VAV3: variants seen among roughly 807,000 people sequenced by gnomAD.
The protein encoded by VAV3 is guanine nucleotide exchange factor VAV3.
VAV3 carries 94 observed loss-of-function variants against 131.2 expected under a neutral mutation model. The ratio of observed to expected loss-of-function variants is 0.72; its 90% CI spans 0.61 to 0.85. The LOEUF is 0.85. Among genes scored for constraint, VAV3 ranks in the 40% least tolerant of loss-of-function variants. The probability of loss-of-function intolerance (pLI) is 0.00; values close to 1 mark genes in which losing one functional copy is unlikely to be tolerated. For missense variants in VAV3, 939 were observed against 1,002.7 expected, an observed-to-expected ratio of 0.94 and a Z score of 0.86; for synonymous variants, 349 against 342.0, an observed-to-expected ratio of 1.02 and a Z score of -0.22.
chr1:107,822,323 A>C (rs1667825671), intron 2 of VAV3, among the ~76,000 whole-genome samples: 1 of 152,122 alleles, frequency 6.6e-6, no homozygotes, highest in Admixed American at 6.6e-5. Context: ...AGTGGGAAGT[A>C]AGGAACTGGA....
rs891926535 is a variant in VAV3, at chr1:107,572,338, T to C, written c.*993A>G. 1 of 152,234 alleles carries C rather than the reference T, an allele frequency of 6.6e-6. No individual in the cohort carries two copies. The highest frequency in any genetic ancestry group is 2.4e-5 in the African/African-American group (1 of 41,446). 9.4% of individuals were successfully genotyped at this position (152,234 alleles called of 1,614,324 possible). On this transcript the variant is annotated 3_prime_UTR_variant, in exon 27 of 27. Coordinates refer to ENST00000370056, the MANE Select transcript of VAV3 (RefSeq NM_006113.5). ...CCAAAATCCTCAACAAAGTTGTTTG[T>C]GCTCCAAGAAAATGTGGGAATAAAA... is the stretch of plus-strand genomic sequence containing the variant.
At chr1:107,865,138 G>A (rs1245958146) in intron 2 of VAV3, among the ~76,000 whole-genome samples, 1 of 152,180 alleles carries the variant, frequency 6.6e-6, no homozygotes. Context: ...GCACACAGGT[G>A]GCTGGGGGCA....
chr1:107,774,946 C>G (rs913287367), intron 4 of VAV3, among the ~76,000 whole-genome samples: 5 of 150,886 alleles, frequency 3.3e-5, no homozygotes, highest in African/African-American at 1.2e-4. Flanking sequence ...CCCTACTTCA[C>G]CTTTTATCCC....
chr1:107,728,123 A>G (rs547572897), intron 15 of VAV3, among the ~76,000 whole-genome samples: 2 of 152,220 alleles, frequency 1.3e-5, no homozygotes, highest in African/African-American at 4.8e-5. Flanking sequence ...AACAGGTCCT[A>G]TTGCTAATAT....
chr1:107,598,503 A>C (rs1651574707), intron 24 of VAV3, among the ~76,000 whole-genome samples: 1 of 152,190 alleles, frequency 6.6e-6, no homozygotes, highest in Non-Finnish European at 1.5e-5. Flanking sequence ...TATTATATCT[A>C]TAACTTGAAA....
At chr1:107,811,937 A>G (rs1667334941) in intron 2 of VAV3, among the ~76,000 whole-genome samples, 1 of 152,210 alleles carries the variant, frequency 6.6e-6, no homozygotes, top group Non-Finnish European at 1.5e-5. Context: ...TCAAGTTGCA[A>G]CAGGCAGCCA....
At chr1:107,943,691 G>A (rs369361092) in intron 1 of VAV3, among the ~76,000 whole-genome samples, 3 of 152,342 alleles carry the variant, frequency 2.0e-5, no homozygotes, top group Admixed American at 6.5e-5. Flanking sequence ...GCAGTGAGCC[G>A]AGATGGTGCC....
chr1:107,634,040 T>C (rs1051870199), intron 20 of VAV3, among the ~76,000 whole-genome samples: 1 of 152,110 alleles, frequency 6.6e-6, no homozygotes, highest in Non-Finnish European at 1.5e-5. Flanking sequence ...AAAATGGCCA[T>C]ACTGCCCATG....
intron 19 of VAV3, among the ~76,000 whole-genome samples, chr1:107,674,583 A>C (rs979316637): frequency 5.3e-5 from 8 of 152,166 alleles, no homozygotes; most frequent in African/African-American, 1.9e-4. Context: ...AAATATACAG[A>C]AGATGTCGAA....
chr1:107,872,518 G>A (rs1247943167), intron 2 of VAV3, among the ~76,000 whole-genome samples: 5 of 152,064 alleles, frequency 3.3e-5, no homozygotes, highest in South Asian at 4.1e-4. Context: ...ATATATTCAC[G>A]ACATCAGAAA....
intron 22 of VAV3, 72 bp from the exon 23 acceptor site, chr1:107,603,235 T>G (rs2101108175): frequency 9.1e-7 from 1 of 1,093,768 alleles, no homozygotes; most frequent in Middle Eastern, 2.0e-4. Context: ...AGTAAGTATC[T>G]CTCAATATTT....
chr1:107,781,885 C>G (rs990189435), intron 2 of VAV3, among the ~76,000 whole-genome samples: 1 of 152,066 alleles, frequency 6.6e-6, no homozygotes, highest in Non-Finnish European at 1.5e-5. Context: ...TGAACAAATA[C>G]TAATAAATTT....
chr1:107,699,033 G>A (rs373811683), intron 17 of VAV3, among the ~76,000 whole-genome samples: 1 of 152,112 alleles, frequency 6.6e-6, no homozygotes, highest in African/African-American at 2.4e-5. Context: ...TTCTGCTCCT[G>A]GCCCCTCCCA....
At chr1:107,871,399 C>A (rs1670247685) in intron 2 of VAV3, among the ~76,000 whole-genome samples, 1 of 146,766 alleles carries the variant, frequency 6.8e-6, no homozygotes, top group Admixed American at 6.9e-5. Context: ...GAGCTTTTTT[C>A]AGTATTTAAC....
At chr1:107,729,967 T>C (rs1043711631) in intron 15 of VAV3, among the ~76,000 whole-genome samples, 10 of 152,152 alleles carry the variant, frequency 6.6e-5, no homozygotes, top group Admixed American at 4.6e-4. Context: ...ATGTTACAGA[T>C]AAATAACAAT....
chr1:107,720,428 T>TAAAC (rs1220503756), intron 15 of VAV3, among the ~76,000 whole-genome samples: 1 of 114,646 alleles, frequency 8.7e-6, no homozygotes, highest in African/African-American at 3.5e-5. Context: ...AATAAATAAA[T>TAAAC]AAAAGTTCCA....
chr1:107,918,871 A>G (rs113245034), intron 1 of VAV3, among the ~76,000 whole-genome samples: 4,712 of 151,610 alleles, frequency 0.031, 241 homozygotes, highest in African/African-American at 0.11. Flanking sequence ...ATGCCCAGCT[A>G]ATTTTTTGTA....
chr1:107,749,399 C>T, intron 14 of VAV3, 63 bp downstream of exon 14: 1 of 1,492,120 alleles, frequency 6.7e-7, no homozygotes, highest in Non-Finnish European at 9.0e-7. Flanking sequence ...AATGTATTAT[C>T]ATACTTTTCC....
intron 22 of VAV3, among the ~76,000 whole-genome samples, chr1:107,606,566 G>T (rs185505946): frequency 6.6e-6 from 1 of 151,918 alleles, no homozygotes; most frequent in East Asian, 1.9e-4. Flanking sequence ...GTATCCCCTG[G>T]GTCAACAGTC....
Sources: allele counts gnomAD v4.1 joint callset (sites outside exome capture counted in the v4.1 genomes callset), GRCh38; gene constraint gnomAD v4.1.1; transcripts MANE v1.5; gene names NCBI Gene and HGNC (gene_info 2026-07-23, HGNC 2026-07-21).